Variants in STAG1 observed in about 807,000 individuals in gnomAD.
STAG1 encodes STAG1 cohesin complex component, also known as cohesin subunit SA-1.
Under a neutral mutation model 170.9 loss-of-function variants are expected in STAG1, and 26 were observed. That is an observed-to-expected ratio of 0.15 (90% confidence interval 0.11 to 0.21). STAG1 has a LOEUF of 0.21. Among genes scored for constraint, STAG1 ranks in the 10% least tolerant of loss-of-function variants. The pLI, the probability that STAG1 is intolerant of heterozygous loss-of-function variation, is 1.00. For missense variants in STAG1, 964 were observed against 1,509.5 expected (o/e 0.64, Z 5.99); for synonymous variants, 514 against 497.7 (o/e 1.03, Z -0.44).
At chr3:136,467,263 C>A (rs944139660) in intron 12 of STAG1, among the ~76,000 whole-genome samples, 2 of 152,060 alleles carry the variant, frequency 1.3e-5, no homozygotes, top group South Asian at 4.1e-4. Context: ...TCAGGAGACC[C>A]ATCTCACATG....
Position 136,391,368 on chromosome 3 carries a change from CTT to C in STAG1, c.2277+7379_2277+7380del, listed in dbSNP as rs5852844. ...AGTAATAGGGCATTACTTTAGCCCT[CTT>C]TTTTTTTTTTTTTTTTTCTTTTTTT... On this transcript the variant is annotated intron_variant, in intron 22 of 33. Transcript: ENST00000383202. Among the ~76,000 whole-genome samples the C allele has an allele frequency of 6.6e-3, 817 of 124,562 alleles. 3 individuals are homozygous for C. Among genetic ancestry groups the C allele is most frequent in the South Asian group, 0.033 (130 of 3,952 alleles). 81.7% of individuals were successfully genotyped at this position (124,562 alleles called of 152,430 possible). A position where few individuals can be genotyped will look rare whatever the true frequency, so the allele number is the denominator to read the frequency against.
intron 27 of STAG1, among the ~76,000 whole-genome samples, chr3:136,358,052 C>T (rs1188386713): frequency 6.8e-6 from 1 of 147,936 alleles, no homozygotes; most frequent in Non-Finnish European, 1.5e-5. Flanking sequence ...GGAAAATATA[C>T]AAAAAATAGC....
chr3:136,644,499 C>G (rs914398005), intron 1 of STAG1, among the ~76,000 whole-genome samples: 1 of 152,060 alleles, frequency 6.6e-6, no homozygotes, highest in Non-Finnish European at 1.5e-5. Context: ...TCACTCTCAT[C>G]AATGAGATAT....
In STAG1 at chr3:136,582,089, C is replaced by G. The variant is rs144624151; in HGVS notation, c.298-13228G>C. 7.1e-3 allele frequency among the ~76,000 whole-genome samples: 1,077 copies of G among 151,850 alleles called. 14 individuals carry two copies. Among genetic ancestry groups the G allele is most frequent in the African/African-American group, 0.023 (968 of 41,424 alleles). On this transcript the variant is annotated intron_variant, in intron 4 of 33. Transcript: ENST00000383202. ...TTTGTTAAATCATCTTAGTAAGTCA[C>G]TAAGTGCTGACTATATACATTTTAC...
At chr3:136,642,976 T>C (rs1940859947) in intron 1 of STAG1, among the ~76,000 whole-genome samples, 1 of 152,212 alleles carries the variant, frequency 6.6e-6, no homozygotes, top group Non-Finnish European at 1.5e-5. Context: ...TGTATTCTCT[T>C]CCCTGTGTCT....
chr3:136,597,770 T>C (rs1005279471), intron 4 of STAG1, among the ~76,000 whole-genome samples: 9 of 151,930 alleles, frequency 5.9e-5, no homozygotes, highest in African/African-American at 1.2e-4. Flanking sequence ...TGCATCTTCA[T>C]CTTCAATTGC....
intron 1 of STAG1, among the ~76,000 whole-genome samples, chr3:136,713,559 G>C (rs1388670035): frequency 6.6e-6 from 1 of 151,286 alleles, no homozygotes; most frequent in Non-Finnish European, 1.5e-5. Context: ...CTCTAGCCTG[G>C]GAAACAGAGC....
intron 22 of STAG1, among the ~76,000 whole-genome samples, chr3:136,385,518 T>C (rs1452002664): frequency 1.3e-5 from 2 of 152,218 alleles, no homozygotes; most frequent in East Asian, 3.8e-4. Context: ...CACTGAGATG[T>C]AAATCATAGT....
chr3:136,352,042 G>A (rs562249548), intron 28 of STAG1, among the ~76,000 whole-genome samples: 20 of 152,260 alleles, frequency 1.3e-4, no homozygotes, highest in African/African-American at 4.8e-4. Context: ...GTTCATCCAA[G>A]TAACTAAACA....
intron 22 of STAG1, among the ~76,000 whole-genome samples, chr3:136,390,254 A>G (rs970359105): frequency 5.3e-5 from 8 of 152,234 alleles, no homozygotes; most frequent in African/African-American, 1.7e-4. Context: ...CATGACTTGT[A>G]AGTCATTTTC....
At chr3:136,498,817 C>T (rs538426942) in intron 9 of STAG1, among the ~76,000 whole-genome samples, 1 of 152,208 alleles carries the variant, frequency 6.6e-6, no homozygotes, top group East Asian at 1.9e-4. Flanking sequence ...AAACTCCAAT[C>T]AGACAATCCA....
chr3:136,453,785 T>C (rs952297938), intron 13 of STAG1, among the ~76,000 whole-genome samples: 13 of 149,366 alleles, frequency 8.7e-5, no homozygotes, highest in Non-Finnish European at 1.9e-4. Flanking sequence ...GTATATAGCA[T>C]GTACTAGTTT....
chr3:136,619,301 G>GA (rs1939737822), intron 3 of STAG1, among the ~76,000 whole-genome samples: 1 of 149,034 alleles, frequency 6.7e-6, no homozygotes, highest in Admixed American at 6.8e-5. Flanking sequence ...TCAGACACTA[G>GA]TAAATAGCAG....
intron 5 of STAG1, among the ~76,000 whole-genome samples, chr3:136,549,013 C>A (rs1286761817): frequency 1.3e-5 from 2 of 152,176 alleles, no homozygotes; most frequent in African/African-American, 4.8e-5. Context: ...CCTTCCTAGC[C>A]ACGCTTCCTC....
At chr3:136,498,678 C>T (rs571940774) in intron 9 of STAG1, among the ~76,000 whole-genome samples, 85 of 151,014 alleles carry the variant, frequency 5.6e-4, no homozygotes, top group African/African-American at 2.0e-3. Context: ...TGAATTAGAC[C>T]TCCATAAAGT....
At chr3:136,378,824 T>C (rs1326450474) in intron 22 of STAG1, among the ~76,000 whole-genome samples, 2 of 152,186 alleles carry the variant, frequency 1.3e-5, no homozygotes, top group African/African-American at 4.8e-5. Context: ...CATATTCTTC[T>C]CACTGACTAA....
chr3:136,353,169 AAGAG>A (rs1044738353), intron 28 of STAG1, among the ~76,000 whole-genome samples: 1 of 152,204 alleles, frequency 6.6e-6, no homozygotes, highest in Non-Finnish European at 1.5e-5. Flanking sequence ...CCATCTGAAG[AAGAG>A]AGAGAAAAAA....
At chr3:136,434,692 G>A (rs904907438) in intron 15 of STAG1, among the ~76,000 whole-genome samples, 2 of 152,006 alleles carry the variant, frequency 1.3e-5, no homozygotes, top group Non-Finnish European at 2.9e-5. Flanking sequence ...TTTGTTTTAT[G>A]GCTTCCAGGT....
intron 15 of STAG1, among the ~76,000 whole-genome samples, chr3:136,435,955 ACTGCACCCAGC>A (rs1358728711): frequency 6.6e-6 from 1 of 151,688 alleles, no homozygotes; most frequent in Non-Finnish European, 1.5e-5. Context: ...GGTGTGAGCC[ACTGCACCCAGC>A]CTGTTTTTTT....
Sources: gnomAD v4.1 joint callset for allele counts (sites outside exome capture counted in the v4.1 genomes callset) on GRCh38, gnomAD v4.1.1 for gene constraint, MANE v1.5 for transcripts, NCBI Gene and HGNC (gene_info 2026-07-23, HGNC 2026-07-21) for gene names.